The following SHISA9 variants were observed in gnomAD, a reference collection of about 807,000 sequenced individuals.
SHISA9 encodes shisa family member 9.
SHISA9 carries 13 observed loss-of-function variants against 38.0 expected under a neutral mutation model. That is an observed-to-expected ratio of 0.34 (90% CI 0.22 to 0.54). The LOEUF (loss-of-function observed/expected upper bound fraction) is 0.54, where lower values mean the gene tolerates loss of function less well. Among genes scored for constraint, SHISA9 ranks in the 20% least tolerant of loss-of-function variants. The probability of loss-of-function intolerance (pLI) is 0.91; values close to 1 mark genes in which losing one functional copy is unlikely to be tolerated. For synonymous variants in SHISA9, 275 were observed against 242.0 expected (o/e 1.14, Z -1.27); for missense variants, 538 against 575.8 (o/e 0.93, Z 0.67).
At chr16:13,111,653 T>G (rs1249222671) in intron 2 of SHISA9, among the ~76,000 whole-genome samples, 2 of 152,324 alleles carry the variant, frequency 1.3e-5, no homozygotes, top group Non-Finnish European at 2.9e-5. Context: ...ATAATTTTCT[T>G]TTTGGAGCTT....
intron 2 of SHISA9, among the ~76,000 whole-genome samples, chr16:13,028,679 A>G (rs531815945): frequency 6.6e-6 from 1 of 152,324 alleles, no homozygotes; most frequent in South Asian, 2.1e-4. Context: ...CAGCCAAACC[A>G]TATCAAAAGC....
intron 4 of SHISA9, among the ~76,000 whole-genome samples, chr16:13,228,667 A>T (rs573567906): frequency 6.6e-6 from 1 of 152,072 alleles, no homozygotes; most frequent in Non-Finnish European, 1.5e-5. Context: ...TTCTTGCCCT[A>T]TATTCTCTAT....
chr16:13,189,235 G>A (rs1414942999), intron 2 of SHISA9, among the ~76,000 whole-genome samples: 1 of 152,220 alleles, frequency 6.6e-6, no homozygotes, highest in African/African-American at 2.4e-5. Flanking sequence ...GGTATTTAGT[G>A]AGGGGATGAA....
At chr16:13,339,708 T>A in the SHISA9 span, among the ~76,000 whole-genome samples, 16 of 152,208 alleles carry the variant, frequency 1.1e-4, no homozygotes, top group African/African-American at 3.6e-4. Flanking sequence ...ATCTGGACTT[T>A]GAGGCCAATC....
intron 2 of SHISA9, among the ~76,000 whole-genome samples, chr16:12,968,399 C>T (rs930595678): frequency 2.0e-5 from 3 of 151,918 alleles, no homozygotes; most frequent in South Asian, 2.1e-4. Flanking sequence ...TTATGGTCTA[C>T]GTATATGATG....
chr16:13,515,998 A>G, the SHISA9 span, among the ~76,000 whole-genome samples: 61 of 152,350 alleles, frequency 4.0e-4, no homozygotes, highest in African/African-American at 1.4e-3. Flanking sequence ...TGGACTGGAT[A>G]ACCTATGTCT....
At chr16:12,912,321 AT>A (rs1376256041) in intron 1 of SHISA9, among the ~76,000 whole-genome samples, 1 of 152,092 alleles carries the variant, frequency 6.6e-6, no homozygotes. Context: ...AATTTCACAA[AT>A]TTTGGTACTC....
intron 2 of SHISA9, among the ~76,000 whole-genome samples, chr16:13,200,100 AT>A (rs1228439154): frequency 6.6e-6 from 1 of 152,048 alleles, no homozygotes; most frequent in African/African-American, 2.4e-5. Context: ...ATTCAATACG[AT>A]TTACCAGAAT....
the SHISA9 span, among the ~76,000 whole-genome samples, chr16:13,559,608 C>A: frequency 6.6e-6 from 1 of 152,076 alleles, no homozygotes; most frequent in Non-Finnish European, 1.5e-5. Context: ...GTCTTAAACT[C>A]CTCATCTCAA....
intron 2 of SHISA9, among the ~76,000 whole-genome samples, chr16:13,089,727 T>C (rs1487581735): frequency 2.6e-5 from 4 of 152,232 alleles, no homozygotes; most frequent in African/African-American, 7.2e-5. Flanking sequence ...GGTCTATCAA[T>C]TTTGTTGATC....
intron 2 of SHISA9, among the ~76,000 whole-genome samples, chr16:13,007,301 A>T (rs1056036274): frequency 6.6e-6 from 1 of 152,022 alleles, no homozygotes; most frequent in Non-Finnish European, 1.5e-5. Context: ...CAGTTTCCCA[A>T]ACCAGAGATG....
intron 2 of SHISA9, among the ~76,000 whole-genome samples, chr16:13,119,210 A>G (rs549188249): frequency 6.6e-6 from 1 of 152,266 alleles, no homozygotes; most frequent in South Asian, 2.1e-4. Context: ...CTCCCTCTCA[A>G]GAGGGAGCGA....
intron 2 of SHISA9, among the ~76,000 whole-genome samples, chr16:13,190,894 TATG>T (rs2050878557): frequency 6.6e-6 from 1 of 152,212 alleles, no homozygotes; most frequent in East Asian, 1.9e-4. Flanking sequence ...CCAAAGGTTT[TATG>T]ATTATATATG....
At chr16:13,181,312 T>TATATATATATATATAC (rs1555468744) in intron 2 of SHISA9, among the ~76,000 whole-genome samples, 1 of 34,102 alleles carries the variant, frequency 2.9e-5, no homozygotes, top group Non-Finnish European at 5.4e-5. Flanking sequence ...TATATATATA[T>TATATATATATATATAC]ACACACACAC....
intron 4 of SHISA9, among the ~76,000 whole-genome samples, chr16:13,221,529 A>C (rs1002944242): frequency 4.6e-5 from 7 of 151,848 alleles, no homozygotes; most frequent in African/African-American, 1.5e-4. Flanking sequence ...GACCGAGAAA[A>C]CGGTCCTATA....
intron 2 of SHISA9, among the ~76,000 whole-genome samples, chr16:13,096,081 C>G (rs1168904478): frequency 6.6e-6 from 1 of 152,218 alleles, no homozygotes; most frequent in Admixed American, 6.5e-5. Context: ...TGGGTATTAG[C>G]TGGTTAACGA....
intron 3 of SHISA9, among the ~76,000 whole-genome samples, chr16:13,209,463 T>C (rs2142061653): frequency 6.6e-6 from 1 of 152,330 alleles, no homozygotes; most frequent in East Asian, 1.9e-4. Context: ...CCTCTTCAAG[T>C]TCCCCATCTT....
chr16:12,987,278 A>C (rs753253648), intron 2 of SHISA9, among the ~76,000 whole-genome samples: 4 of 152,360 alleles, frequency 2.6e-5, no homozygotes, highest in Admixed American at 6.5e-5. Context: ...AGTAACTTCA[A>C]AAAAGCAATT....
At chr16:12,959,302 C>G (rs2071877290) in intron 2 of SHISA9, among the ~76,000 whole-genome samples, 1 of 152,194 alleles carries the variant, frequency 6.6e-6, no homozygotes, top group African/African-American at 2.4e-5. Context: ...GCTGGTTAAG[C>G]TGGTTAGCTT....
Sources: gnomAD v4.1 joint callset for allele counts (sites outside exome capture counted in the v4.1 genomes callset) on GRCh38, gnomAD v4.1.1 for gene constraint, MANE v1.5 for transcripts, NCBI Gene and HGNC (gene_info 2026-07-23, HGNC 2026-07-21) for gene names.